The following MFSD11 variants were observed in gnomAD, a reference collection of about 807,000 sequenced individuals.
The protein encoded by MFSD11 is major facilitator superfamily domain containing 11.
Under a neutral mutation model 53.5 loss-of-function variants are expected in MFSD11, and 36 were observed. The ratio of observed to expected loss-of-function variants is 0.67; its 90% confidence interval spans 0.52 to 0.89. The LOEUF is 0.89. Ranked by LOEUF, MFSD11 falls within the 40% of genes least tolerant of loss-of-function variation. The pLI is 0.00. For missense variants in MFSD11, 530 were observed against 543.9 expected, an observed-to-expected ratio of 0.97 and a Z score of 0.25; for synonymous variants, 186 against 184.9, an observed-to-expected ratio of 1.01 and a Z score of -0.05.
chr17:76,753,951 A>G, intron 7 of MFSD11, 96 bp from the exon 8 acceptor site: 2 of 1,039,178 alleles, frequency 1.9e-6, no homozygotes, highest in Non-Finnish European at 2.8e-6. Flanking sequence ...CTGGTATAGG[A>G]CAGGGTTTTT....
intron 8 of MFSD11, among the ~76,000 whole-genome samples, chr17:76,757,727 CA>C (rs1374787282): frequency 6.6e-6 from 1 of 152,120 alleles, no homozygotes; most frequent in Non-Finnish European, 1.5e-5. Context: ...AAAATGTTCT[CA>C]GGCCGGGCAC....
At chr17:76,794,590 C>T in the MFSD11 span, among the ~76,000 whole-genome samples, 3 of 114,794 alleles carry the variant, frequency 2.6e-5, no homozygotes, top group Admixed American at 3.7e-4. Flanking sequence ...TGCAGTGAGC[C>T]AAGATCATGC....
intron 7 of MFSD11, among the ~76,000 whole-genome samples, chr17:76,748,968 A>G (rs1763154338): frequency 6.6e-6 from 1 of 151,548 alleles, no homozygotes; most frequent in Non-Finnish European, 1.5e-5. Flanking sequence ...TATTCCAAGC[A>G]TTGTGCTAAA....
intron 9 of MFSD11, 68 bp downstream of exon 9, chr17:76,767,519 G>A (rs770637775): frequency 5.9e-5 from 58 of 989,460 alleles, no homozygotes; most frequent in Middle Eastern, 4.2e-4. Context: ...AACGAGCCAC[G>A]TTATTATTTC....
At chr17:76,768,869 C>T (rs1032811866) in intron 9 of MFSD11, among the ~76,000 whole-genome samples, 4 of 151,730 alleles carry the variant, frequency 2.6e-5, no homozygotes, top group Non-Finnish European at 5.9e-5. Flanking sequence ...CCTGTAATCC[C>T]AGCTACTTGG....
At chr17:76,790,452 G>C in the MFSD11 span, among the ~76,000 whole-genome samples, 1,037 of 143,010 alleles carry the variant, frequency 7.3e-3, 23 homozygotes, top group African/African-American at 0.025. Context: ...AGCAATTCTC[G>C]TGCCTCAGCC....
upstream of MFSD11, chr17:76,737,772 CT>C (rs1286964199): frequency 6.2e-6 from 1 of 161,638 alleles, no homozygotes; most frequent in Non-Finnish European, 1.3e-5. Flanking sequence ...TCAGACTCCG[CT>C]GCGTCGTCTC....
intron 8 of MFSD11, 24 bp downstream of exon 8, chr17:76,754,111 T>C (rs769204092): frequency 1.3e-6 from 2 of 1,586,788 alleles, no homozygotes; most frequent in East Asian, 2.3e-5. Flanking sequence ...GTATCTGAAA[T>C]GCAAGAACTG....
intron 8 of MFSD11, among the ~76,000 whole-genome samples, chr17:76,756,869 A>C (rs1018833140): frequency 6.6e-6 from 1 of 152,116 alleles, no homozygotes; most frequent in South Asian, 2.1e-4. Context: ...CAGAAAAAAA[A>C]AAAAAAAAGA....
the MFSD11 span, among the ~76,000 whole-genome samples, chr17:76,787,341 T>G: frequency 2.0e-5 from 3 of 149,648 alleles, no homozygotes; most frequent in Non-Finnish European, 3.0e-5. Flanking sequence ...TTCGCCATGT[T>G]GGCCAGGCTG....
rs1217114623 is a variant in MFSD11 at position 76,776,713 on chromosome 17, T to G, written c.1185+172T>G. On this transcript the variant is annotated intron_variant, in intron 12 of 12. Coordinates refer to ENST00000685175, the MANE Select transcript of MFSD11 (RefSeq NM_001242532.5). The surrounding 1 kb of genome is among the most constrained non-coding windows in gnomAD (Gnocchi z 4.2). ...TGGAGTGCAGTAGCGCAATCTTGACTCGCTGCAACCTCCGCCTCCCGGGTT... is the reference window on the plus strand; with the variant it reads ...TGGAGTGCAGTAGCGCAATCTTGACGCGCTGCAACCTCCGCCTCCCGGGTT... 6.6e-6 allele frequency among the ~76,000 whole-genome samples: 1 copy of G among 152,156 alleles called. No homozygotes were observed. The highest frequency in any genetic ancestry group is 1.5e-5 in the Non-Finnish European group (1 of 68,036).
chr17:76,785,298 G>C (rs917728116), downstream of MFSD11, among the ~76,000 whole-genome samples: 2 of 152,124 alleles, frequency 1.3e-5, no homozygotes, highest in African/African-American at 4.8e-5. Context: ...AGAATGGTGG[G>C]CTGGTGGGGA....
intron 5 of MFSD11, among the ~76,000 whole-genome samples, chr17:76,742,824 A>T (rs1421317651): frequency 6.6e-6 from 1 of 152,158 alleles, no homozygotes; most frequent in African/African-American, 2.4e-5. Context: ...TCTTAAGAAG[A>T]AAGCAAAACA....
chr17:76,747,427 C>T (rs1395206678), intron 7 of MFSD11, among the ~76,000 whole-genome samples: 1 of 152,058 alleles, frequency 6.6e-6, no homozygotes, highest in Non-Finnish European at 1.5e-5. Flanking sequence ...CTCTGCTTCC[C>T]AGGTTCAAGT....
At chr17:76,792,447 CTT>C in the MFSD11 span, among the ~76,000 whole-genome samples, 2 of 144,566 alleles carry the variant, frequency 1.4e-5, no homozygotes, top group African/African-American at 5.1e-5. Flanking sequence ...TCTTTTCTTT[CTT>C]TTTTTTTTTT....
At chr17:76,749,001 A>G (rs891585038) in intron 7 of MFSD11, among the ~76,000 whole-genome samples, 2 of 152,012 alleles carry the variant, frequency 1.3e-5, no homozygotes, top group African/African-American at 4.8e-5. Flanking sequence ...TTGTGCATTC[A>G]TGGAGCTTAC....
downstream of MFSD11, among the ~76,000 whole-genome samples, chr17:76,785,979 G>A (rs1279838317): frequency 1.3e-5 from 2 of 149,150 alleles, no homozygotes; most frequent in African/African-American, 4.9e-5. Flanking sequence ...GGAGGCTGAG[G>A]CACGAGCATC....
At chr17:76,759,817 G>A (rs2080033228) in intron 8 of MFSD11, among the ~76,000 whole-genome samples, 1 of 115,098 alleles carries the variant, frequency 8.7e-6, no homozygotes, top group South Asian at 2.7e-4. Context: ...GTTTCACCAT[G>A]TTGGCCAGAC....
chr17:76,789,491 A>G, the MFSD11 span, among the ~76,000 whole-genome samples: 1 of 150,138 alleles, frequency 6.7e-6, no homozygotes, highest in Non-Finnish European at 1.5e-5. Flanking sequence ...CTCTTAGTGC[A>G]CATGTTTGAA....
Sources: allele counts gnomAD v4.1 joint callset (sites outside exome capture counted in the v4.1 genomes callset), GRCh38; gene constraint gnomAD v4.1.1; non-coding constraint Gnocchi (gnomAD v3.1); transcripts MANE v1.5; gene names NCBI Gene and HGNC (gene_info 2026-07-23, HGNC 2026-07-21).